The following NKX2-8 variants were observed in gnomAD, a reference collection of about 807,000 sequenced individuals.
The protein encoded by NKX2-8 is homeobox protein Nkx-2.8.
Under a neutral mutation model 6.4 loss-of-function variants are expected in NKX2-8, and 8 were observed. The observed-to-expected ratio is 1.24, with a 90% confidence interval of 0.73 to 2.24. NKX2-8 has a LOEUF of 2.24. Ranked by LOEUF, NKX2-8 falls within the 30% of genes most tolerant of loss-of-function variation. NKX2-8 has a pLI of 0.00. For synonymous variants in NKX2-8, 216 were observed against 171.5 expected, an observed-to-expected ratio of 1.26 and a Z score of -2.03; for missense variants, 406 against 351.1, an observed-to-expected ratio of 1.16 and a Z score of -1.25.
In NKX2-8 at chr14:36,580,892, C is replaced by G; in HGVS notation, c.*10G>C. 2 of 1,301,476 alleles carry G rather than the reference C, an allele frequency of 1.5e-6. No homozygotes were observed. The highest frequency in any genetic ancestry group is 1.9e-6 in the Non-Finnish European group (2 of 1,030,116). The allele number at this position is 1,301,476 out of a possible 1,614,324, so 80.6% of individuals were successfully genotyped here. A position where few individuals can be genotyped will look rare whatever the true frequency, so the allele number is the denominator to read the frequency against. On this transcript the variant is annotated 3_prime_UTR_variant, in exon 2 of 2. Coordinates refer to ENST00000258829, the MANE Select transcript of NKX2-8 (RefSeq NM_014360.4). ...AAGTCGAGGGTAGCCCCAGGTGCCGCCCTGCGGCCTCACCAGTTCCAGGAG... is the reference window on the plus strand; with the variant it reads ...AAGTCGAGGGTAGCCCCAGGTGCCGGCCTGCGGCCTCACCAGTTCCAGGAG...
At position 36,581,042 on chromosome 14, in the gene NKX2-8, C is replaced by A. The variant is rs1879209050; in HGVS notation, c.580G>T (p.Ala194Ser). Reference protein sequence around the residue: ...GGGGEVGTAAAQEKCGAPPAA... With the variant: ...GGGGEVGTAASQEKCGAPPAA... ...GGAGGGGCGCCGCACTTCTCCTGGGCCGCGGCGGTTCCCACCTCGCCACCG... is the reference window on the plus strand; with the variant it reads ...GGAGGGGCGCCGCACTTCTCCTGGGACGCGGCGGTTCCCACCTCGCCACCG... Residue 194 changes from alanine to serine, a missense_variant, in exon 2 of 2, where the codon GCC becomes TCC. Physicochemically the swap from Ala to Ser is moderately conservative, Grantham distance 99. Coordinates refer to ENST00000258829, the MANE Select transcript of NKX2-8 (RefSeq NM_014360.4). This position sits in a 1 kb window ranked among gnomAD's most constrained non-coding sequence, Gnocchi z 5.6. 7.3e-7 allele frequency: 1 copy of A among 1,368,166 alleles called. No homozygotes were observed. Among genetic ancestry groups the A allele is most frequent in the Non-Finnish European group, 9.3e-7 (1 of 1,072,626 alleles). 84.8% of individuals were successfully genotyped at this position (1,368,166 alleles called of 1,614,324 possible).
At position 36,582,607 on chromosome 14, in the gene NKX2-8, T is replaced by C; in HGVS notation, c.-218A>G. On this transcript the variant is annotated 5_prime_UTR_variant, in exon 1 of 2. Coordinates refer to ENST00000258829, the MANE Select transcript of NKX2-8 (RefSeq NM_014360.4). ...GTCTCCAGGGTGTTAAGTACCTGAA[T>C]GAGCACTGGACCAGAGCCGGGGCGA... The C allele has an allele frequency of 2.3e-6, 1 of 433,204 alleles. No homozygotes were observed. The highest frequency in any genetic ancestry group is 4.0e-6 in the Non-Finnish European group (1 of 248,616). 26.8% of individuals were successfully genotyped at this position (433,204 alleles called of 1,614,324 possible).
chr14:36,582,326 C>T lies in NKX2-8; in HGVS notation c.64G>A (p.Ala22Thr), dbSNP rs749569615. Reference sequence around the variant, plus strand: ...GGCTCCCGCCTCGGCAGGTGTTGCGCGTCCTGCTCGGGTAAATCTAGAAGG... The same window carrying T: ...GGCTCCCGCCTCGGCAGGTGTTGCGTGTCCTGCTCGGGTAAATCTAGAAGG... ...RSLLDLPEQD[A>T]QHLPRREPEP... is the part of the protein sequence containing the mutation. The change falls in exon 1 of 2, where the codon GCG (alanine) becomes ACG (threonine). Residue 22 changes from alanine to threonine, a missense_variant. Ala to Thr is a moderately conservative substitution (Grantham distance 58). Transcript: ENST00000258829. 6.2e-7 allele frequency: 1 copy of T among 1,606,730 alleles called. No individual in the cohort carries two copies.
rs1879174228 is a variant in NKX2-8 at position 36,580,345 on chromosome 14, C to T, written c.*557G>A. Among the ~76,000 whole-genome samples the T allele has an allele frequency of 6.6e-6, 1 of 152,122 alleles. No individual in the cohort carries two copies. The highest frequency in any genetic ancestry group is 6.5e-5 in the Admixed American group (1 of 15,280). ...ATCCCAAAGTTGCCTCAGCTTCCTCCTCTCCTTTTCTTCCCGCGCCCAACC... is the reference window on the plus strand; with the variant it reads ...ATCCCAAAGTTGCCTCAGCTTCCTCTTCTCCTTTTCTTCCCGCGCCCAACC... On this transcript the variant is annotated 3_prime_UTR_variant, in exon 2 of 2. Transcript: ENST00000258829.
Position 36,581,625 on chromosome 14 carries a change from C to T in NKX2-8, c.158-161G>A, listed in dbSNP as rs1879246410. Among the ~76,000 whole-genome samples, 1 of 152,230 alleles carries T rather than the reference C, an allele frequency of 6.6e-6. No homozygotes were observed. Among genetic ancestry groups the T allele is most frequent in the Non-Finnish European group, 1.5e-5 (1 of 68,040 alleles). On this transcript the variant is annotated intron_variant, in intron 1 of 1. Transcript: ENST00000258829. The surrounding 1 kb of genome is among the most constrained non-coding windows in gnomAD (Gnocchi z 5.6). ...CCTGAGTCCACATCTGGACATCCAC[C>T]TCTCCGAATGCGGTGACCTCATTCA...
At position 36,581,542 on chromosome 14, in the gene NKX2-8, G is replaced by A; in HGVS notation, c.158-78C>T. 1 of 1,327,724 alleles carries A rather than the reference G, an allele frequency of 7.5e-7. No individual in the cohort carries two copies. Among genetic ancestry groups the A allele is most frequent in the East Asian group, 2.5e-5 (1 of 39,322 alleles). 82.2% of individuals were successfully genotyped at this position (1,327,724 alleles called of 1,614,324 possible). On this transcript the variant is annotated intron_variant, in intron 1 of 1. Coordinates refer to ENST00000258829, the MANE Select transcript of NKX2-8 (RefSeq NM_014360.4). The surrounding 1 kb of genome is among the most constrained non-coding windows in gnomAD (Gnocchi z 5.6). ...CCTGCTGCCCTTCTGGCGCGGGCGT[G>A]GAGGCACTGGCCAGAGGGCACGCCC...
chr14:36,580,974 G>C lies in NKX2-8; in HGVS notation c.648C>G (p.Pro216=), dbSNP rs893494536. ...CPLPGYPAFG[P]GSALGLFPAY... is the part of the protein sequence containing the mutation. Reference sequence around the variant, plus strand: ...CGGGGAAGAGGCCAAGCGCCGAGCCGGGACCGAAGGCAGGGTAGCCCGGCA... The same window carrying C: ...CGGGGAAGAGGCCAAGCGCCGAGCCCGGACCGAAGGCAGGGTAGCCCGGCA... Residue 216 remains proline, a synonymous_variant, in exon 2 of 2, where the codon CCC becomes CCG. Coordinates refer to ENST00000258829, the MANE Select transcript of NKX2-8 (RefSeq NM_014360.4). 11 of 1,351,940 alleles carry C rather than the reference G, an allele frequency of 8.1e-6. No individual in the cohort carries two copies. Among genetic ancestry groups the C allele is most frequent in the African/African-American group, 1.5e-5 (1 of 66,586 alleles). The allele number at this position is 1,351,940 out of a possible 1,614,324, so 83.7% of individuals were successfully genotyped here.
Position 36,581,502 on chromosome 14 carries a change from C to G in NKX2-8, c.158-38G>C. The G allele has an allele frequency of 2.0e-6, 3 of 1,479,578 alleles. No homozygotes were observed. Among genetic ancestry groups the G allele is most frequent in the Non-Finnish European group, 2.7e-6 (3 of 1,113,282 alleles). 91.7% of individuals were successfully genotyped at this position (1,479,578 alleles called of 1,614,324 possible). A position where few individuals can be genotyped will look rare whatever the true frequency, so the allele number is the denominator to read the frequency against. On this transcript the variant is annotated intron_variant, in intron 1 of 1. Coordinates refer to ENST00000258829, the MANE Select transcript of NKX2-8 (RefSeq NM_014360.4). The surrounding 1 kb of genome is among the most constrained non-coding windows in gnomAD (Gnocchi z 5.6). ...AAGGAGACACGGGTGGGTGAGACGC[C>G]GGACCCTACGAGGGCCTGCTGCCCT... is the stretch of plus-strand genomic sequence containing the variant.
Position 36,582,484 on chromosome 14 carries a change from C to G in NKX2-8, c.-95G>C, listed in dbSNP as rs1216210836. The G allele has an allele frequency of 8.2e-5, 100 of 1,216,132 alleles. No individual in the cohort carries two copies. Among genetic ancestry groups the G allele is most frequent in the Non-Finnish European group, 1.0e-4 (92 of 894,848 alleles). The allele number at this position is 1,216,132 out of a possible 1,614,324, so 75.3% of individuals were successfully genotyped here. ...ACGGATGGGCGTGGGAGGCGCTCGC[C>G]ATGCGCTGGCAGCCGGGATATTAGC... On this transcript the variant is annotated 5_prime_UTR_variant, in exon 1 of 2. It removes an upstream start codon present in the reference 5' UTR. Coordinates refer to ENST00000258829, the MANE Select transcript of NKX2-8 (RefSeq NM_014360.4).
In NKX2-8 at chr14:36,581,329, T is replaced by A. The variant is rs578076717; in HGVS notation, c.293A>T (p.Glu98Val). Residue 98 changes from glutamate to valine, a missense_variant, in exon 2 of 2, where the codon GAG (glutamate) becomes GTG (valine). Coordinates refer to ENST00000258829, the MANE Select transcript of NKX2-8 (RefSeq NM_014360.4). The surrounding 1 kb of genome is among the most constrained non-coding windows in gnomAD (Gnocchi z 5.6). ...RVLFSKAQTL[E>V]LERRFRQQRY... ...CTGCTGCCGGAAGCGCCGCTCCAAC[T>A]CCAGCGTCTGCGCCTTGGAGAATAG... is the stretch of plus-strand genomic sequence containing the variant. 2 of 1,579,326 alleles carry A rather than the reference T, an allele frequency of 1.3e-6. No individual in the cohort carries two copies. The highest frequency in any genetic ancestry group is 4.6e-5 in the East Asian group (2 of 43,162).
chr14:36,582,478 G>C lies in NKX2-8; in HGVS notation c.-89C>G. The stretch of plus-strand genomic sequence containing the variant: ...GCTCCTACGGATGGGCGTGGGAGGC[G>C]CTCGCCATGCGCTGGCAGCCGGGAT... On this transcript the variant is annotated 5_prime_UTR_variant, in exon 1 of 2. Coordinates refer to ENST00000258829, the MANE Select transcript of NKX2-8 (RefSeq NM_014360.4). 1 of 1,268,056 alleles carries C rather than the reference G, an allele frequency of 7.9e-7. No homozygotes were observed. Among genetic ancestry groups the C allele is most frequent in the Non-Finnish European group, 1.1e-6 (1 of 941,402 alleles). 78.6% of individuals were successfully genotyped at this position (1,268,056 alleles called of 1,614,324 possible). A position where few individuals can be genotyped will look rare whatever the true frequency, so the allele number is the denominator to read the frequency against.
In NKX2-8 at chr14:36,582,228, C is replaced by G. The variant is rs766585259; in HGVS notation, c.157+5G>C. ...ACCCCGCACCGCAATCCACCACGCA[C>G]TTACAAGGGTAGTGGCCGCGCTCCG... On this transcript the variant is annotated splice_donor_5th_base_variant and intron_variant, in intron 1 of 1. Coordinates refer to ENST00000258829, the MANE Select transcript of NKX2-8 (RefSeq NM_014360.4). 6 of 1,605,844 alleles carry G rather than the reference C, an allele frequency of 3.7e-6. No individual in the cohort carries two copies. The Admixed American group carries it at 8.4e-5, about 23-fold the overall frequency.
Position 36,581,105 on chromosome 14 carries a change from C to A in NKX2-8, c.517G>T (p.Val173Leu), listed in dbSNP as rs1243322623. 7 of 1,455,428 alleles carry A rather than the reference C, an allele frequency of 4.8e-6. No homozygotes were observed. Among genetic ancestry groups the A allele is most frequent in the Non-Finnish European group, 6.3e-6 (7 of 1,116,254 alleles). The allele number at this position is 1,455,428 out of a possible 1,614,324, so 90.2% of individuals were successfully genotyped here. ...CACGGCTGCCCGTCGCGAACAAGCACCGGCACCACCACGCGACGCAGCAGG... is the reference window on the plus strand; with the variant it reads ...CACGGCTGCCCGTCGCGAACAAGCAACGGCACCACCACGCGACGCAGCAGG... The part of the protein sequence containing the change: ...PGLLRRVVVP[V>L]LVRDGQPCGG... Residue 173 changes from valine (V) to leucine (L), a missense_variant, in exon 2 of 2, where the codon GTG (valine) becomes TTG (leucine). Val to Leu is a conservative substitution (Grantham distance 32, BLOSUM62 1). Transcript: ENST00000258829. The surrounding 1 kb of genome is among the most constrained non-coding windows in gnomAD (Gnocchi z 5.6).
chr14:36,581,195 G>A lies in NKX2-8; in HGVS notation c.427C>T (p.Arg143Cys), dbSNP rs753841581. Residue 143 changes from arginine to cysteine, a missense_variant, in exon 2 of 2, where the codon CGC becomes TGC. Coordinates refer to ENST00000258829, the MANE Select transcript of NKX2-8 (RefSeq NM_014360.4). The surrounding 1 kb of genome is among the most constrained non-coding windows in gnomAD (Gnocchi z 5.6). ...QNHRYKLKRA[R>C]APGAAESPDL... ...GGCGACTCCGCCGCCCCTGGAGCGC[G>A]AGCGCGCTTCAGCTTGTAGCGATGA... 2 of 1,606,906 alleles carry A rather than the reference G, an allele frequency of 1.2e-6. No individual in the cohort carries two copies. Among genetic ancestry groups the A allele is most frequent in the East Asian group, 2.2e-5 (1 of 44,632 alleles).
At position 36,581,139 on chromosome 14, in the gene NKX2-8, G is replaced by A. The variant is rs1752462737; in HGVS notation, c.483C>T (p.Ala161=). 1.3e-6 allele frequency: 2 copies of A among 1,539,364 alleles called. No individual in the cohort carries two copies. Among genetic ancestry groups the A allele is most frequent in the Non-Finnish European group, 1.7e-6 (2 of 1,152,616 alleles). ...CCACGCGACGCAGCAGGCCGGGCGC[G>A]GCGTGCAGCTCGGCGGATGCTGCCA... ...PDLAASAELH[A]APGLLRRVVV... is the part of the protein sequence containing the mutation. The change falls in exon 2 of 2, where the codon GCC becomes GCT. Residue 161 remains alanine, a synonymous_variant. Transcript: ENST00000258829. This position sits in a 1 kb window ranked among gnomAD's most constrained non-coding sequence, Gnocchi z 5.6.
Position 36,582,355 on chromosome 14 carries a change from C to A in NKX2-8, c.35G>T (p.Arg12Leu). 1 of 1,587,668 alleles carries A rather than the reference C, an allele frequency of 6.3e-7. No homozygotes were observed. Among genetic ancestry groups the A allele is most frequent in the South Asian group, 1.1e-5 (1 of 88,374 alleles). Residue 12 changes from arginine to leucine, a missense_variant, in exon 1 of 2, where the codon CGC (arginine) becomes CTC (leucine). By Grantham distance (102) the Arg-to-Leu change is moderately radical (BLOSUM62 -2). Transcript: ENST00000258829. Reference protein sequence around the residue: ...ATSGRLSFTVRSLLDLPEQDA... With the variant: ...ATSGRLSFTVLSLLDLPEQDA... Reference sequence around the variant, plus strand: ...CTGCTCGGGTAAATCTAGAAGGCTGCGCACGGTGAAGCTCAGGCGTCCAGA... The same window carrying A: ...CTGCTCGGGTAAATCTAGAAGGCTGAGCACGGTGAAGCTCAGGCGTCCAGA...
In NKX2-8 at chr14:36,581,524, C is replaced by G; in HGVS notation, c.158-60G>C. On this transcript the variant is annotated intron_variant, in intron 1 of 1. Coordinates refer to ENST00000258829, the MANE Select transcript of NKX2-8 (RefSeq NM_014360.4). The surrounding 1 kb of genome is among the most constrained non-coding windows in gnomAD (Gnocchi z 5.6). ...CGCCGGACCCTACGAGGGCCTGCTG[C>G]CCTTCTGGCGCGGGCGTGGAGGCAC... is the stretch of plus-strand genomic sequence containing the variant. 1.4e-6 allele frequency: 2 copies of G among 1,429,076 alleles called. No homozygotes were observed. Among genetic ancestry groups the G allele is most frequent in the South Asian group, 2.9e-5 (2 of 68,218 alleles). The allele number at this position is 1,429,076 out of a possible 1,614,324, so 88.5% of individuals were successfully genotyped here.
In NKX2-8 at chr14:36,581,390, C is replaced by T. The variant is rs779471823; in HGVS notation, c.232G>A (p.Gly78Ser). ...QRPSARPASPGSDAEKRKKRR... is the reference protein window; with the variant it reads ...QRPSARPASPSSDAEKRKKRR... ...TTCTTCCTTTTCTCGGCGTCCGAGC[C>T]CGGAGACGCGGGCCTAGCGGACGGC... Residue 78 changes from glycine to serine, a missense_variant, in exon 2 of 2, where the codon GGC (glycine) becomes AGC (serine). Transcript: ENST00000258829. This position sits in a 1 kb window ranked among gnomAD's most constrained non-coding sequence, Gnocchi z 5.6. 5.6e-6 allele frequency: 9 copies of T among 1,595,924 alleles called. No homozygotes were observed. The Admixed American group carries it at 6.9e-5, about 12-fold the overall frequency.
Position 36,581,312 on chromosome 14 carries a change from G to C in NKX2-8, c.310C>G (p.Arg104Gly), listed in dbSNP as rs1396600549. ...GGCGCAGACAGGTACCGCTGCTGCCGGAAGCGCCGCTCCAACTCCAGCGTC... is the reference window on the plus strand; with the variant it reads ...GGCGCAGACAGGTACCGCTGCTGCCCGAAGCGCCGCTCCAACTCCAGCGTC... ...AQTLELERRF[R>G]QQRYLSAPER... is the part of the protein sequence containing the mutation. The change falls in exon 2 of 2, where the codon CGG (arginine) becomes GGG (glycine). Residue 104 changes from arginine to glycine, a missense_variant. Arg to Gly is a moderately radical substitution (Grantham distance 125). Coordinates refer to ENST00000258829, the MANE Select transcript of NKX2-8 (RefSeq NM_014360.4). The surrounding 1 kb of genome is among the most constrained non-coding windows in gnomAD (Gnocchi z 5.6). The C allele has an allele frequency of 3.1e-6, 5 of 1,588,084 alleles. No homozygotes were observed. The South Asian group carries it at 5.7e-5, about 18-fold the overall frequency.
Sources: gnomAD v4.1 joint callset for allele counts (sites outside exome capture counted in the v4.1 genomes callset) on GRCh38, gnomAD v4.1.1 for gene constraint, Gnocchi (gnomAD v3.1) non-coding constraint, MANE v1.5 for transcripts, NCBI Gene and HGNC (gene_info 2026-07-23, HGNC 2026-07-21) for gene names.